The following BANK1 variants were observed in gnomAD, a reference collection of about 807,000 sequenced individuals.
BANK1 encodes B cell scaffold protein with ankyrin repeats 1.
BANK1 carries 95 observed loss-of-function variants against 94.5 expected under a neutral mutation model. The observed-to-expected ratio is 1.00, with a 90% CI of 0.85 to 1.19. The LOEUF is 1.19. BANK1 is among the 50% of genes most tolerant of loss of function. BANK1 has a pLI of 0.00. For missense variants in BANK1, 987 were observed against 932.2 expected, an observed-to-expected ratio of 1.06 and a Z score of -0.77; for synonymous variants, 334 against 308.4, an observed-to-expected ratio of 1.08 and a Z score of -0.87.
At chr4:101,865,717 A>T (rs1442576221) in intron 4 of BANK1, among the ~76,000 whole-genome samples, 1 of 152,108 alleles carries the variant, frequency 6.6e-6, no homozygotes, top group East Asian at 1.9e-4. Context: ...AGAATGTAGA[A>T]TGCTTTCCTT....
At chr4:101,944,197 G>A (rs1723854091) in intron 7 of BANK1, among the ~76,000 whole-genome samples, 1 of 151,866 alleles carries the variant, frequency 6.6e-6, no homozygotes, top group South Asian at 2.1e-4. Context: ...CATATGGTAT[G>A]CTGGTAAAAG....
chr4:101,918,255 AG>A (rs1416933638), intron 7 of BANK1, 66 bp downstream of exon 7: 2 of 1,136,220 alleles, frequency 1.8e-6, no homozygotes, highest in Non-Finnish European at 2.4e-6. Flanking sequence ...GACTGTAAGA[AG>A]AAAAAACCTA....
intron 9 of BANK1, among the ~76,000 whole-genome samples, chr4:102,026,915 A>T (rs1441168714): frequency 6.6e-6 from 1 of 151,950 alleles, no homozygotes; most frequent in Non-Finnish European, 1.5e-5. Flanking sequence ...TATTAAGCTT[A>T]TGCACTGTAT....
chr4:101,967,218 T>A lies in BANK1; in HGVS notation c.1206+49029T>A, dbSNP rs993155870. ...TGTTTTGTCTTTTGCATGTGTCAAC[T>A]AATTTATTCTAACAATAGTCATATG... On this transcript the variant is annotated intron_variant, in intron 7 of 16. Transcript: ENST00000322953. Among the ~76,000 whole-genome samples the A allele has an allele frequency of 2.0e-5, 3 of 152,084 alleles. No homozygotes were observed. In the South Asian group the frequency reaches 6.2e-4, roughly 31 times the overall value.
At chr4:101,889,553 G>A (rs1236284810) in intron 5 of BANK1, among the ~76,000 whole-genome samples, 2 of 136,072 alleles carry the variant, frequency 1.5e-5, no homozygotes, top group Non-Finnish European at 3.0e-5. Context: ...AGCCGAGATT[G>A]CGCCACTGCA....
intron 11 of BANK1, among the ~76,000 whole-genome samples, chr4:102,044,117 G>C (rs1346592962): frequency 2.0e-5 from 3 of 151,980 alleles, no homozygotes; most frequent in Admixed American, 2.0e-4. Flanking sequence ...TGCCATACTG[G>C]TGTGCTGCAC....
chr4:101,962,840 A>G (rs1421130331), intron 7 of BANK1, among the ~76,000 whole-genome samples: 4 of 152,072 alleles, frequency 2.6e-5, no homozygotes, highest in African/African-American at 7.2e-5. Context: ...TATATATTAC[A>G]TGGTTTCCAG....
intron 7 of BANK1, among the ~76,000 whole-genome samples, chr4:101,994,677 G>C (rs1384733315): frequency 2.0e-5 from 3 of 152,066 alleles, no homozygotes; most frequent in African/African-American, 7.2e-5. Flanking sequence ...AAAACACTCA[G>C]CTCATTGTTA....
At chr4:101,791,965 TGATGGTCTTCA>T (rs1390001583) in intron 1 of BANK1, among the ~76,000 whole-genome samples, 1 of 152,222 alleles carries the variant, frequency 6.6e-6, no homozygotes, top group Non-Finnish European at 1.5e-5. Context: ...ACTGTGGCTC[TGATGGTCTTCA>T]GCAGAGCAGA....
chr4:102,071,207 A>G (rs781137862), intron 13 of BANK1, 68 bp from the exon 14 acceptor site: 1 of 1,525,438 alleles, frequency 6.6e-7, no homozygotes, highest in African/African-American at 1.4e-5. Flanking sequence ...AATTAAAAAA[A>G]TAAGAGAGAG....
intron 7 of BANK1, among the ~76,000 whole-genome samples, chr4:101,965,552 AT>A (rs986871888): frequency 6.6e-6 from 1 of 152,080 alleles, no homozygotes; most frequent in Non-Finnish European, 1.5e-5. Flanking sequence ...ACAAAACAGC[AT>A]CTTGGCTAAG....
At chr4:101,853,498 C>G (rs1051909514) in intron 2 of BANK1, among the ~76,000 whole-genome samples, 1 of 151,844 alleles carries the variant, frequency 6.6e-6, no homozygotes, top group African/African-American at 2.4e-5. Flanking sequence ...TTTCTTGTTG[C>G]AATAAAGAGA....
intron 1 of BANK1, among the ~76,000 whole-genome samples, chr4:101,806,872 T>A (rs1331825946): frequency 6.6e-6 from 1 of 152,226 alleles, no homozygotes; most frequent in African/African-American, 2.4e-5. Flanking sequence ...GCTACTCCCA[T>A]CAGGGACTGT....
intron 7 of BANK1, among the ~76,000 whole-genome samples, chr4:101,993,574 T>A (rs556068028): frequency 6.6e-6 from 1 of 152,306 alleles, no homozygotes; most frequent in Admixed American, 6.5e-5. Flanking sequence ...TAATAATTAC[T>A]TGGCACTGAA....
At chr4:101,871,750 T>C (rs1193948766) in intron 5 of BANK1, among the ~76,000 whole-genome samples, 1 of 152,154 alleles carries the variant, frequency 6.6e-6, no homozygotes, top group Non-Finnish European at 1.5e-5. Flanking sequence ...TTAAAAATTA[T>C]ATTCATAACA....
chr4:101,928,266 G>A (rs1478684825), intron 7 of BANK1, among the ~76,000 whole-genome samples: 2 of 151,602 alleles, frequency 1.3e-5, no homozygotes, highest in Non-Finnish European at 3.0e-5. Flanking sequence ...TTAGCTGTTT[G>A]TGGAAACAAG....
chr4:101,980,206 A>T (rs1482203306), intron 7 of BANK1, among the ~76,000 whole-genome samples: 1 of 151,828 alleles, frequency 6.6e-6, no homozygotes, highest in African/African-American at 2.4e-5. Context: ...AATGTTAGAA[A>T]ATTACTCAAG....
intron 9 of BANK1, 49 bp downstream of exon 9, chr4:102,025,558 G>C: frequency 6.4e-7 from 1 of 1,558,958 alleles, no homozygotes; most frequent in Non-Finnish European, 8.7e-7. Flanking sequence ...ACAAATCTTT[G>C]ACAGGCTTAC....
chr4:102,028,771 T>C (rs1727187449), intron 9 of BANK1, among the ~76,000 whole-genome samples: 1 of 152,198 alleles, frequency 6.6e-6, no homozygotes, highest in African/African-American at 2.4e-5. Context: ...TATTACTGTA[T>C]GGAAAAATCA....
Sources: allele counts gnomAD v4.1 joint callset (sites outside exome capture counted in the v4.1 genomes callset), GRCh38; gene constraint gnomAD v4.1.1; transcripts MANE v1.5; gene names NCBI Gene and HGNC (gene_info 2026-07-23, HGNC 2026-07-21).